IPPK: variants seen among roughly 807,000 people sequenced by gnomAD.
IPPK encodes IPK1 homolog.
A neutral mutation model predicts 64.6 loss-of-function variants in IPPK; 22 were observed. The ratio of observed to expected loss-of-function variants is 0.34; its 90% confidence interval spans 0.24 to 0.49. IPPK has a LOEUF of 0.49. Ranked by LOEUF, IPPK falls within the 20% of genes least tolerant of loss-of-function variation. The pLI is 0.99. For missense variants in IPPK, 532 were observed against 630.7 expected, an observed-to-expected ratio of 0.84 and a Z score of 1.68; for synonymous variants, 262 against 247.2, an observed-to-expected ratio of 1.06 and a Z score of -0.56.
At chr9:92,648,233 T>G in intron 5 of IPPK, 85 bp from the exon 6 acceptor site, 3 of 1,014,302 alleles carry the variant, frequency 3.0e-6, no homozygotes, top group Non-Finnish European at 4.5e-6. Flanking sequence ...TACAAGATAA[T>G]GAGTGCAGCA....
intron 11 of IPPK, among the ~76,000 whole-genome samples, chr9:92,633,398 G>A (rs898992840): frequency 2.0e-5 from 3 of 151,724 alleles, no homozygotes; most frequent in Non-Finnish European, 2.9e-5. Context: ...TTTTTGAGAC[G>A]GGGCTTGCTC....
chr9:92,655,722 A>G (rs543465089), intron 3 of IPPK, among the ~76,000 whole-genome samples: 8 of 152,346 alleles, frequency 5.3e-5, no homozygotes, highest in African/African-American at 1.9e-4. Context: ...GCACAGAGCC[A>G]TCTAAGGGAT....
chr9:92,647,824 G>A (rs923907378), intron 6 of IPPK, among the ~76,000 whole-genome samples: 15 of 152,156 alleles, frequency 9.9e-5, no homozygotes, highest in African/African-American at 3.6e-4. Flanking sequence ...TCCAGGAGGT[G>A]GAGGCTGCAG....
rs1464740919 is a variant in IPPK, at chr9:92,614,725, A to ATAT, written c.*1104_*1106dup. The ATAT allele has an allele frequency of 6.5e-6, 1 of 152,680 alleles. No individual in the cohort carries two copies. The highest frequency in any genetic ancestry group is 1.5e-5 in the Non-Finnish European group (1 of 68,048). The allele number at this position is 152,680 out of a possible 1,614,324, so 9.5% of individuals were successfully genotyped here. On this transcript the variant is annotated 3_prime_UTR_variant, in exon 13 of 13. Coordinates refer to ENST00000287996, the MANE Select transcript of IPPK (RefSeq NM_022755.6). ...CCTCCATTAGTCCCTCAAAACGATG[A>ATAT]TATAAATAAGTCTGTACAACCTAGC... is the stretch of plus-strand genomic sequence containing the variant.
rs954130081 is a variant in IPPK at position 92,652,491 on chromosome 9, C to T, written c.292+82G>A. 1.5e-5 allele frequency: 10 copies of T among 666,670 alleles called. No individual in the cohort carries two copies. In the African/African-American group the frequency reaches 1.8e-4, roughly 12 times the overall value. 41.3% of individuals were successfully genotyped at this position (666,670 alleles called of 1,614,324 possible). A position where few individuals can be genotyped will look rare whatever the true frequency, so the allele number is the denominator to read the frequency against. ...AAGGATTACTGAAAAATGCATATAC[C>T]TAACATGGGTAATCATTTCAAACAC... is the stretch of plus-strand genomic sequence containing the variant. On this transcript the variant is annotated intron_variant, in intron 4 of 12. Coordinates refer to ENST00000287996, the MANE Select transcript of IPPK (RefSeq NM_022755.6).
At position 92,635,346 on chromosome 9, in the gene IPPK, T is replaced by A; in HGVS notation, c.917-38A>T. On this transcript the variant is annotated intron_variant, in intron 9 of 12. Coordinates refer to ENST00000287996, the MANE Select transcript of IPPK (RefSeq NM_022755.6). The surrounding 1 kb of genome is among the most constrained non-coding windows in gnomAD (Gnocchi z 4.4). ...TCAGGGGAAAACGAGAGCATGTTGA[T>A]TATCAAAGAACGTGGAGGGAGACAC... The A allele has an allele frequency of 6.3e-7, 1 of 1,594,744 alleles. No homozygotes were observed. Among genetic ancestry groups the A allele is most frequent in the Non-Finnish European group, 8.5e-7 (1 of 1,170,114 alleles).
rs1852374817 is a variant in IPPK, at chr9:92,656,458, C to T, written c.223G>A (p.Gly75Arg). The change falls in exon 3 of 13, where the codon GGG (glycine) becomes AGG (arginine). Residue 75 changes from glycine (G) to arginine (R), a missense_variant and splice_region_variant. Gly to Arg is a moderately radical substitution (Grantham distance 125). Transcript: ENST00000287996. Reference protein sequence around the residue: ...EFLGENYVHYGEVVQLPLEFV... With the variant: ...EFLGENYVHYREVVQLPLEFV... Reference sequence around the variant, plus strand: ...AGATGTGAATAAAAAGCACTTACCCCATAATGAACATAGTTCTCCCCCAAA... The same window carrying T: ...AGATGTGAATAAAAAGCACTTACCCTATAATGAACATAGTTCTCCCCCAAA... 6.3e-7 allele frequency: 1 copy of T among 1,598,728 alleles called. No individual in the cohort carries two copies. The highest frequency in any genetic ancestry group is 1.3e-5 in the African/African-American group (1 of 74,580).
intron 1 of IPPK, among the ~76,000 whole-genome samples, chr9:92,667,230 T>C (rs368298538): frequency 6.6e-6 from 1 of 152,184 alleles, no homozygotes; most frequent in Non-Finnish European, 1.5e-5. Flanking sequence ...AGGAGTACAG[T>C]AGCAGGGTCC....
chr9:92,633,646 T>G (rs1851885025), intron 11 of IPPK, among the ~76,000 whole-genome samples: 1 of 152,234 alleles, frequency 6.6e-6, no homozygotes, highest in Non-Finnish European at 1.5e-5. Flanking sequence ...GCCAAAATAT[T>G]TTTAAAAACA....
At chr9:92,636,158 C>G (rs1851939061) in intron 9 of IPPK, among the ~76,000 whole-genome samples, 1 of 152,182 alleles carries the variant, frequency 6.6e-6, no homozygotes, top group South Asian at 2.1e-4. Flanking sequence ...AAGAACCAAA[C>G]TACAGGCAAA....
At chr9:92,642,871 C>A (rs1024748056) in intron 6 of IPPK, 61 bp from the exon 7 acceptor site, 5 of 1,264,658 alleles carry the variant, frequency 4.0e-6, no homozygotes, top group Admixed American at 3.4e-5. Flanking sequence ...ACTGTGCCAA[C>A]TGAACACACA....
chr9:92,654,187 C>T (rs944915539), intron 3 of IPPK, among the ~76,000 whole-genome samples: 1 of 152,228 alleles, frequency 6.6e-6, no homozygotes, highest in African/African-American at 2.4e-5. Context: ...CTGTAAATCA[C>T]TGATTTTATA....
intron 8 of IPPK, 29 bp downstream of exon 8, chr9:92,640,681 A>T (rs1268887670): frequency 6.6e-7 from 1 of 1,521,898 alleles, no homozygotes; most frequent in South Asian, 1.1e-5. Flanking sequence ...CCCACCCTGA[A>T]ACCACCATAG....
rs1179742037 is a variant in IPPK at position 92,634,410 on chromosome 9, C to A, written c.1146G>T (p.Gly382=). ...CCTTCGTTAGCGCGAAGGCCACTGT[C>A]CCGTCATCCTCAGTGGAAAGGTCAA... The part of the protein sequence containing the change: ...KLLDLSTEDD[G]TVAFALTKVQ... Residue 382 remains glycine, a synonymous_variant, in exon 11 of 13, where the codon GGG becomes GGT. Transcript: ENST00000287996. The A allele has an allele frequency of 8.1e-6, 13 of 1,613,856 alleles. No individual in the cohort carries two copies. Among genetic ancestry groups the A allele is most frequent in the Non-Finnish European group, 1.0e-5 (12 of 1,179,820 alleles).
At chr9:92,629,475 G>A (rs961213781) in intron 11 of IPPK, among the ~76,000 whole-genome samples, 1 of 151,988 alleles carries the variant, frequency 6.6e-6, no homozygotes, top group East Asian at 1.9e-4. Flanking sequence ...AAGGGGGCTG[G>A]GCACGGTGGC....
chr9:92,613,378 A>C lies in IPPK; in HGVS notation c.*2454T>G, dbSNP rs1588322373. 2 of 476,668 alleles carry C rather than the reference A, an allele frequency of 4.2e-6. No individual in the cohort carries two copies. The highest frequency in any genetic ancestry group is 8.4e-5 in the East Asian group (2 of 23,940). 29.5% of individuals were successfully genotyped at this position (476,668 alleles called of 1,614,324 possible). On this transcript the variant is annotated 3_prime_UTR_variant, in exon 13 of 13. Coordinates refer to ENST00000287996, the MANE Select transcript of IPPK (RefSeq NM_022755.6). ...ACGTACAATGTGGTTTATAAAAATA[A>C]GCTTAACATCTGAGAAAATGTACCA... is the stretch of plus-strand genomic sequence containing the variant.
chr9:92,636,252 A>G (rs72756410), intron 9 of IPPK, among the ~76,000 whole-genome samples: 6,041 of 152,332 alleles, frequency 0.04, 183 homozygotes, highest in South Asian at 0.11. Flanking sequence ...AAATGCCAAC[A>G]TGCAGGGAAA....
Position 92,634,383 on chromosome 9 carries a change from C to T in IPPK, c.1170+3G>A. 1 of 1,608,640 alleles carries T rather than the reference C, an allele frequency of 6.2e-7. No individual in the cohort carries two copies. Among genetic ancestry groups the T allele is most frequent in the Non-Finnish European group, 8.5e-7 (1 of 1,174,960 alleles). ...CAGCAAGTTTTTGGATGGGTCTGCC[C>T]ACCTTCGTTAGCGCGAAGGCCACTG... On this transcript the variant is annotated splice_donor_region_variant and intron_variant, in intron 11 of 12. Transcript: ENST00000287996.
At chr9:92,658,828 G>T in intron 1 of IPPK, 147 bp from the exon 2 acceptor site, 1 of 695,676 alleles carries the variant, frequency 1.4e-6, no homozygotes, top group Non-Finnish European at 2.4e-6. Flanking sequence ...GGGCAGGGAG[G>T]CCAGGGCTGG....
Sources: gnomAD v4.1 joint callset for allele counts (sites outside exome capture counted in the v4.1 genomes callset) on GRCh38, gnomAD v4.1.1 for gene constraint, Gnocchi (gnomAD v3.1) non-coding constraint, MANE v1.5 for transcripts, NCBI Gene and HGNC (gene_info 2026-07-23, HGNC 2026-07-21) for gene names.